The following MAP2K1 variants were observed in gnomAD, a reference collection of about 807,000 sequenced individuals.
MAP2K1 encodes the protein dual specificity mitogen-activated protein kinase kinase 1.
MAP2K1 carries 16 observed loss-of-function variants against 46.3 expected under a neutral mutation model. The ratio of observed to expected loss-of-function variants is 0.35; its 90% CI spans 0.23 to 0.52. The LOEUF (loss-of-function observed/expected upper bound fraction) is 0.52, where lower values mean the gene tolerates loss of function less well. MAP2K1 is among the 20% of genes least tolerant of loss of function. MAP2K1 has a pLI of 0.94. For missense variants in MAP2K1, 263 were observed against 497.1 expected (o/e 0.53, Z 4.48); for synonymous variants, 183 against 185.6 (o/e 0.99, Z 0.11).
At position 66,387,091 on chromosome 15, in the gene MAP2K1, C is replaced by A; in HGVS notation, c.-257C>A. 1 of 418,328 alleles carries A rather than the reference C, an allele frequency of 2.4e-6. No homozygotes were observed. The highest frequency in any genetic ancestry group is 4.2e-6 in the Non-Finnish European group (1 of 238,118). The allele number at this position is 418,328 out of a possible 1,614,324, so 25.9% of individuals were successfully genotyped here. A position where few individuals can be genotyped will look rare whatever the true frequency, so the allele number is the denominator to read the frequency against. ...CGGGCTGCCGAACCGCACGTTCAGC[C>A]CGCTCCGCTCCTGCAGGGCAGCCTT... On this transcript the variant is annotated 5_prime_UTR_variant, in exon 1 of 11. Coordinates refer to ENST00000307102, the MANE Select transcript of MAP2K1 (RefSeq NM_002755.4).
chr15:66,433,147 C>A (rs2093479150), intron 1 of MAP2K1, among the ~76,000 whole-genome samples: 1 of 152,056 alleles, frequency 6.6e-6, no homozygotes, highest in South Asian at 2.1e-4. Context: ...TGTGGGGAGA[C>A]CTTGGAGAAA....
chr15:66,427,658 C>A (rs1179875290), intron 1 of MAP2K1, among the ~76,000 whole-genome samples: 1 of 152,000 alleles, frequency 6.6e-6, no homozygotes, highest in Non-Finnish European at 1.5e-5. Flanking sequence ...CTGACAACCC[C>A]AAGATGTGTT....
chr15:66,412,170 A>C (rs954697393), intron 1 of MAP2K1, among the ~76,000 whole-genome samples: 2 of 152,242 alleles, frequency 1.3e-5, no homozygotes, highest in African/African-American at 4.8e-5. Context: ...TGTAAAAGCA[A>C]CTATCCTTTG....
rs1891772252 is a variant in MAP2K1, at chr15:66,443,334, A to G, written c.493A>G (p.Ile165Val). 1 of 1,612,052 alleles carries G rather than the reference A, an allele frequency of 6.2e-7. No homozygotes were observed. Among genetic ancestry groups the G allele is most frequent in the African/African-American group, 1.3e-5 (1 of 74,958 alleles). ...LKKAGRIPEQILGKVSIAVIK... is the reference protein window; with the variant it reads ...LKKAGRIPEQVLGKVSIAVIK... ...GAAAGCTGGAAGAATTCCTGAACAA[A>G]TTTTAGGAAAAGTTAGCATTGCTGT... The change falls in exon 4 of 11, where the codon ATT becomes GTT. Residue 165 changes from isoleucine (I) to valine (V), a missense_variant. By Grantham distance (29) the Ile-to-Val change is conservative. Coordinates refer to ENST00000307102, the MANE Select transcript of MAP2K1 (RefSeq NM_002755.4).
rs1018747095 is a variant in MAP2K1 at position 66,421,117 on chromosome 15, CACACACACATAT to C, written c.81-13908_81-13897del. 1.9e-4 allele frequency among the ~76,000 whole-genome samples: 16 copies of C among 84,636 alleles called. No individual in the cohort carries two copies. The South Asian group carries it at 3.6e-3, about 19-fold the overall frequency. The allele number at this position is 84,636 out of a possible 152,430, so 55.5% of individuals were successfully genotyped here. A position where few individuals can be genotyped will look rare whatever the true frequency, so the allele number is the denominator to read the frequency against. ...ATACACACACACACACACACACACA[CACACACACATAT>C]ATATATATATAAATTTTTTTTTCTG... On this transcript the variant is annotated intron_variant, in intron 1 of 10. Coordinates refer to ENST00000307102, the MANE Select transcript of MAP2K1 (RefSeq NM_002755.4).
In MAP2K1 at chr15:66,490,899, G is replaced by A; in HGVS notation, c.*284G>A. 4.0e-6 allele frequency: 2 copies of A among 503,588 alleles called. No individual in the cohort carries two copies. Among genetic ancestry groups the A allele is most frequent in the South Asian group, 4.1e-5 (2 of 48,934 alleles). The allele number at this position is 503,588 out of a possible 1,614,324, so 31.2% of individuals were successfully genotyped here. ...CCAGGCTGAATTACAGTGAAATTTT[G>A]GTGAATGTGGGTAGTCATTCTTACA... On this transcript the variant is annotated 3_prime_UTR_variant, in exon 11 of 11. Coordinates refer to ENST00000307102, the MANE Select transcript of MAP2K1 (RefSeq NM_002755.4).
chr15:66,399,636 G>T (rs142553688), intron 1 of MAP2K1, among the ~76,000 whole-genome samples: 1 of 151,764 alleles, frequency 6.6e-6, no homozygotes, highest in African/African-American at 2.4e-5. Context: ...TTTCACTCTC[G>T]CCCAGGCTGG....
chr15:66,448,404 A>G (rs1256723238), intron 5 of MAP2K1, among the ~76,000 whole-genome samples: 1 of 152,184 alleles, frequency 6.6e-6, no homozygotes, highest in Non-Finnish European at 1.5e-5. Flanking sequence ...CCATAGCCAC[A>G]TTTTGGGAAA....
chr15:66,424,791 CTTT>C (rs58738231), intron 1 of MAP2K1, among the ~76,000 whole-genome samples: 6,101 of 81,916 alleles, frequency 0.074, 213 homozygotes, highest in East Asian at 0.34. Flanking sequence ...CAATCTCAAT[CTTT>C]TTTTTTTTTT....
At chr15:66,420,791 GTGTATATATATGTGTA>G (rs2140554352) in intron 1 of MAP2K1, among the ~76,000 whole-genome samples, 1 of 58,886 alleles carries the variant, frequency 1.7e-5, no homozygotes, top group African/African-American at 4.9e-5. Context: ...ATATATATGT[GTGTATATATATGTGTA>G]TATATATGTG....
At position 66,487,298 on chromosome 15, in the gene MAP2K1, T is replaced by TA. The variant is rs1438742251; in HGVS notation, c.960+7dup. On this transcript the variant is annotated splice_region_variant and intron_variant, in intron 8 of 10. Coordinates refer to ENST00000307102, the MANE Select transcript of MAP2K1 (RefSeq NM_002755.4). ...TGGATTACATAGTCAACGAGGTAAG[T>TA]ACTGCCTGGTTTCCTTCACCTTGGA... 2.5e-6 allele frequency: 4 copies of TA among 1,613,878 alleles called. No individual in the cohort carries two copies. The African/African-American group carries it at 4.0e-5, about 16-fold the overall frequency.
intron 3 of MAP2K1, 27 bp downstream of exon 3, chr15:66,436,919 A>G (rs1451454399): frequency 6.2e-7 from 1 of 1,613,510 alleles, no homozygotes; most frequent in Admixed American, 1.7e-5. Flanking sequence ...CAGCCTCTGG[A>G]GCAATGGCCT....
chr15:66,442,220 G>A (rs2093506109), intron 3 of MAP2K1, among the ~76,000 whole-genome samples: 1 of 152,086 alleles, frequency 6.6e-6, no homozygotes. Context: ...CACTCAGGTT[G>A]GATTCTTTTA....
intron 5 of MAP2K1, among the ~76,000 whole-genome samples, chr15:66,445,334 G>A (rs1567012635): frequency 6.6e-6 from 1 of 152,150 alleles, no homozygotes; most frequent in African/African-American, 2.4e-5. Context: ...GGAGGCTGTG[G>A]TGAGCCGAGA....
At chr15:66,438,333 C>T (rs927118208) in intron 3 of MAP2K1, among the ~76,000 whole-genome samples, 8 of 151,998 alleles carry the variant, frequency 5.3e-5, no homozygotes, top group African/African-American at 1.7e-4. Flanking sequence ...ATGATCTGCC[C>T]GCCTCGGCCT....
chr15:66,462,331 C>T (rs1892343517), intron 5 of MAP2K1, among the ~76,000 whole-genome samples: 1 of 151,870 alleles, frequency 6.6e-6, no homozygotes, highest in East Asian at 1.9e-4. Flanking sequence ...GAAACCCCAT[C>T]TCTACTAAAA....
At chr15:66,464,010 G>A (rs1892397660) in intron 5 of MAP2K1, among the ~76,000 whole-genome samples, 1 of 152,192 alleles carries the variant, frequency 6.6e-6, no homozygotes, top group South Asian at 2.1e-4. Flanking sequence ...TAGAATGAGA[G>A]GCAGGTTTGC....
chr15:66,442,311 A>G (rs751843065), intron 3 of MAP2K1, among the ~76,000 whole-genome samples: 6 of 152,100 alleles, frequency 3.9e-5, no homozygotes, highest in Non-Finnish European at 8.8e-5. Context: ...GCACCTCTTC[A>G]TGCACCAACA....
intron 5 of MAP2K1, among the ~76,000 whole-genome samples, chr15:66,480,574 A>C (rs1892889840): frequency 6.6e-6 from 1 of 152,194 alleles, no homozygotes; most frequent in African/African-American, 2.4e-5. Flanking sequence ...TGTGTCTAAA[A>C]AAAAATAATA....
Sources: gnomAD v4.1 joint callset for allele counts (sites outside exome capture counted in the v4.1 genomes callset) on GRCh38, gnomAD v4.1.1 for gene constraint, MANE v1.5 for transcripts, NCBI Gene and HGNC (gene_info 2026-07-23, HGNC 2026-07-21) for gene names.